The following PHLDB2 variants were observed in gnomAD, a reference collection of about 807,000 sequenced individuals.
PHLDB2 encodes the protein pleckstrin homology like domain family B member 2, also known as pleckstrin homology-like domain family B member 2.
In PHLDB2, 71 loss-of-function variants were observed where a neutral mutation model predicts 123.6. That is an observed-to-expected ratio of 0.57 (90% CI 0.47 to 0.70). PHLDB2 has a LOEUF of 0.70. PHLDB2 is among the 30% of genes least tolerant of loss of function. The probability of loss-of-function intolerance (pLI) is 0.00; values close to 1 mark genes in which losing one functional copy is unlikely to be tolerated. For synonymous variants in PHLDB2, 547 were observed against 541.6 expected (o/e 1.01, Z -0.14); for missense variants, 1,446 against 1,519.5 (o/e 0.95, Z 0.80).
chr3:111,860,204 G>T (rs920250727), intron 1 of PHLDB2, among the ~76,000 whole-genome samples: 2 of 152,194 alleles, frequency 1.3e-5, no homozygotes, highest in African/African-American at 4.8e-5. Context: ...AGAAAGAGAA[G>T]GTCCGCTGCT....
chr3:111,974,246 A>C (rs2072418249), intron 17 of PHLDB2, among the ~76,000 whole-genome samples, 177 bp from the exon 18 acceptor site: 1 of 152,234 alleles, frequency 6.6e-6, no homozygotes, highest in African/African-American at 2.4e-5. Flanking sequence ...TGTTCAGAAA[A>C]ATGGTCAATC....
chr3:111,930,018 TCTC>T (rs1232043566), intron 5 of PHLDB2, among the ~76,000 whole-genome samples: 1 of 151,138 alleles, frequency 6.6e-6, no homozygotes, highest in African/African-American at 2.4e-5. Context: ...TTCACGCCAT[TCTC>T]CTACCTCAGC....
chr3:111,835,916 A>C (rs1252930464), intron 1 of PHLDB2, among the ~76,000 whole-genome samples: 1 of 152,182 alleles, frequency 6.6e-6, no homozygotes, highest in Non-Finnish European at 1.5e-5. Context: ...AGCACATAGC[A>C]TAGCATCACT....
chr3:111,858,587 T>A (rs1473766212), upstream of PHLDB2, among the ~76,000 whole-genome samples: 1 of 152,216 alleles, frequency 6.6e-6, no homozygotes, highest in Non-Finnish European at 1.5e-5. Flanking sequence ...AGTGACGGTA[T>A]ACTGAGTTCT....
intron 1 of PHLDB2, among the ~76,000 whole-genome samples, chr3:111,794,232 C>T (rs1020188157): frequency 4.7e-5 from 7 of 150,060 alleles, no homozygotes; most frequent in African/African-American, 1.5e-4. Context: ...TCCATGGACA[C>T]TTGCCGATTT....
At chr3:111,806,223 G>T (rs1490730064) in intron 1 of PHLDB2, among the ~76,000 whole-genome samples, 1 of 152,040 alleles carries the variant, frequency 6.6e-6, no homozygotes, top group Non-Finnish European at 1.5e-5. Context: ...TACAATTATA[G>T]AATTTTTGAT....
At chr3:111,745,997 A>G (rs576715917) in intron 1 of PHLDB2, among the ~76,000 whole-genome samples, 6 of 152,310 alleles carry the variant, frequency 3.9e-5, no homozygotes, top group South Asian at 4.1e-4. Context: ...CTTACCCCAC[A>G]TGGTTTCAGA....
At chr3:111,784,271 C>A (rs762662962) in intron 1 of PHLDB2, among the ~76,000 whole-genome samples, 1 of 152,142 alleles carries the variant, frequency 6.6e-6, no homozygotes, top group Non-Finnish European at 1.5e-5. Flanking sequence ...GAAACACAAA[C>A]AAGCAAACAG....
chr3:111,854,082 T>C (rs2064377302), intron 2 of PHLDB2, among the ~76,000 whole-genome samples: 1 of 152,120 alleles, frequency 6.6e-6, no homozygotes. Context: ...CTTACAATCA[T>C]GGCAAAAGGC....
chr3:111,887,553 C>T (rs75959998), intron 2 of PHLDB2, among the ~76,000 whole-genome samples: 1,907 of 152,186 alleles, frequency 0.013, 70 homozygotes, highest in East Asian at 0.069. Context: ...ATTTAGTTTG[C>T]AAAATCAGAG....
In PHLDB2 at chr3:111,945,277, A is replaced by T; in HGVS notation, c.2407A>T (p.Asn803Tyr). 1 of 1,607,568 alleles carries T rather than the reference A, an allele frequency of 6.2e-7. No homozygotes were observed. The highest frequency in any genetic ancestry group is 8.5e-7 in the Non-Finnish European group (1 of 1,174,904). Residue 803 changes from asparagine (N) to tyrosine (Y), a missense_variant, in exon 9 of 18, where the codon AAT becomes TAT. By Grantham distance (143) the Asn-to-Tyr change is moderately radical (BLOSUM62 -2). Transcript: ENST00000431670. ...LIMMLQREKE[N>Y]LCNLEKKYSS... is the part of the protein sequence containing the mutation. Reference sequence around the variant, plus strand: ...TTTTGTATTCCTTCAGGAAAAGGAGAATCTTTGTAATTTGGAAAAGAAATA... The same window carrying T: ...TTTTGTATTCCTTCAGGAAAAGGAGTATCTTTGTAATTTGGAAAAGAAATA...
At position 111,757,741 on chromosome 3, in the gene PHLDB2, A is replaced by T. The variant is rs571054053; in HGVS notation, c.-49+25038A>T. On this transcript the variant is annotated intron_variant, in intron 1 of 17. Transcript: ENST00000393923. ...TGTCTTCGATGTTGGTGATGTACAG[A>T]TGGGTTTTTGGTGTGGATGTCCTTT... Among the ~76,000 whole-genome samples the T allele has an allele frequency of 3.3e-5, 5 of 152,104 alleles. No individual in the cohort carries two copies. In the South Asian group the frequency reaches 1.0e-3, roughly 32 times the overall value.
chr3:111,889,269 TTTG>T (rs1282550735), intron 2 of PHLDB2, among the ~76,000 whole-genome samples: 8 of 152,196 alleles, frequency 5.3e-5, no homozygotes, highest in Admixed American at 6.5e-5. Context: ...GTGTAGCTGT[TTTG>T]TTGTTGTTTT....
rs375894693 is a variant in PHLDB2 at position 111,848,022 on chromosome 3, G to A, written c.67+2087G>A. Among the ~76,000 whole-genome samples the A allele has an allele frequency of 2.6e-5, 4 of 152,180 alleles. No individual in the cohort carries two copies. The East Asian group carries it at 5.8e-4, about 22-fold the overall frequency. On this transcript the variant is annotated intron_variant, in intron 2 of 17. Coordinates refer to the PHLDB2 transcript ENST00000393923. ...TGAGGGAAGGTGATAATGATGTAAT[G>A]ATTAGGACATGTTACGTCTGCTGTG... is the stretch of plus-strand genomic sequence containing the variant.
At chr3:111,864,457 C>T (rs990585330) in intron 1 of PHLDB2, among the ~76,000 whole-genome samples, 5 of 152,166 alleles carry the variant, frequency 3.3e-5, no homozygotes, top group South Asian at 4.1e-4. Flanking sequence ...GGAATTTGAA[C>T]CTTCTGGGAG....
At chr3:111,778,088 T>C (rs1332643648) in intron 1 of PHLDB2, among the ~76,000 whole-genome samples, 1 of 152,114 alleles carries the variant, frequency 6.6e-6, no homozygotes, top group Non-Finnish European at 1.5e-5. Context: ...TCTGTAGGTC[T>C]TCATTTTGAA....
At chr3:111,814,729 C>A (rs1225568442) in intron 1 of PHLDB2, among the ~76,000 whole-genome samples, 1 of 151,784 alleles carries the variant, frequency 6.6e-6, no homozygotes, top group Admixed American at 6.6e-5. Context: ...TTCAGGCTGT[C>A]CTCATGGCAG....
At chr3:111,740,834 A>G (rs2059590325) in intron 1 of PHLDB2, among the ~76,000 whole-genome samples, 1 of 151,890 alleles carries the variant, frequency 6.6e-6, no homozygotes, top group Non-Finnish European at 1.5e-5. Flanking sequence ...GAGTCCAACA[A>G]TGATTATCAA....
chr3:111,752,977 C>T (rs1160908507), intron 1 of PHLDB2, among the ~76,000 whole-genome samples: 1 of 152,158 alleles, frequency 6.6e-6, no homozygotes, highest in East Asian at 1.9e-4. Context: ...AGGACATGAA[C>T]TCATCATTTT....
Sources: gnomAD v4.1 joint callset for allele counts (sites outside exome capture counted in the v4.1 genomes callset) on GRCh38, gnomAD v4.1.1 for gene constraint, MANE v1.5 for transcripts, NCBI Gene and HGNC (gene_info 2026-07-23, HGNC 2026-07-21) for gene names.